OPA3: variants seen among roughly 807,000 people sequenced by gnomAD.
OPA3 encodes the protein optic atrophy 3 protein.
OPA3 carries 6 observed loss-of-function variants against 4.0 expected under a neutral mutation model. The ratio of observed to expected loss-of-function variants is 1.51; its 90% confidence interval spans 0.83 to 2.99. The LOEUF is 2.99. OPA3 is among the 30% of genes most tolerant of loss of function. The pLI is 0.00. For synonymous variants in OPA3, 105 were observed against 117.1 expected (o/e 0.90, Z 0.67); for missense variants, 235 against 256.2 (o/e 0.92, Z 0.56).
At chr19:45,554,693 G>A (rs1304094708) in intron 1 of OPA3, among the ~76,000 whole-genome samples, 1 of 152,206 alleles carries the variant, frequency 6.6e-6, no homozygotes, top group African/African-American at 2.4e-5. Context: ...AAACCACAGA[G>A]GGAACCCTTG....
chr19:45,566,716 C>T (rs535129467), intron 1 of OPA3, among the ~76,000 whole-genome samples: 5 of 152,056 alleles, frequency 3.3e-5, no homozygotes, highest in South Asian at 2.1e-4. Flanking sequence ...CCTTGTGATC[C>T]GCCCGCCTTA....
At chr19:45,545,184 A>AAAC (rs1969234668), downstream of OPA3, among the ~76,000 whole-genome samples, 1 of 149,588 alleles carries the variant, frequency 6.7e-6, no homozygotes, top group African/African-American at 2.4e-5. Flanking sequence ...AAAAACAAAA[A>AAAC]AACAAAAAAT....
In OPA3 at chr19:45,548,932, T is replaced by C. The variant is rs1028541020; in HGVS notation, c.*4582A>G. On this transcript the variant is annotated 3_prime_UTR_variant, in exon 2 of 2. Coordinates refer to ENST00000263275, the MANE Select transcript of OPA3 (RefSeq NM_025136.4). ...GATTCTCCTGCCTCAGCCTCCCGAG[T>C]AGGTGGGATTACAGGTGCACAACCA... 23 of 308,122 alleles carry C rather than the reference T, an allele frequency of 7.5e-5. No individual in the cohort carries two copies. The highest frequency in any genetic ancestry group is 4.8e-4 in the African/African-American group (21 of 43,998). The allele number at this position is 308,122 out of a possible 1,614,324, so 19.1% of individuals were successfully genotyped here. A position where few individuals can be genotyped will look rare whatever the true frequency, so the allele number is the denominator to read the frequency against.
chr19:45,583,024 G>T (rs1297682059), intron 1 of OPA3, among the ~76,000 whole-genome samples: 6 of 152,214 alleles, frequency 3.9e-5, no homozygotes, highest in Non-Finnish European at 5.9e-5. Flanking sequence ...AAGCAAGATG[G>T]AGTAAGTTAA....
rs200159837 is a variant in OPA3 at position 45,584,790 on chromosome 19, A to G, written c.-26T>C. ...CTTGGCGGTCTCACAGGGCACGCGC[A>G]ACCTTGCTGACTGGGCGGGGCGCCT... On this transcript the variant is annotated 5_prime_UTR_variant, in exon 1 of 2. Transcript: ENST00000263275. 8.4e-5 allele frequency: 135 copies of G among 1,612,506 alleles called. No homozygotes were observed. In the East Asian group the frequency reaches 2.5e-3, roughly 29 times the overall value.
intron 1 of OPA3, among the ~76,000 whole-genome samples, chr19:45,557,355 G>A (rs1231355442): frequency 1.3e-5 from 2 of 152,136 alleles, no homozygotes; most frequent in Non-Finnish European, 1.5e-5. Flanking sequence ...GGTCAGATGT[G>A]GGGTTCAGGA....
intron 1 of OPA3, among the ~76,000 whole-genome samples, chr19:45,532,547 G>A (rs571666087): frequency 5.3e-5 from 8 of 151,904 alleles, no homozygotes; most frequent in Non-Finnish European, 2.9e-5. Context: ...AGTCTGGAAC[G>A]CCACCCTGCA....
At chr19:45,529,711 G>C (rs1281326237) in intron 1 of OPA3, among the ~76,000 whole-genome samples, 2 of 152,158 alleles carry the variant, frequency 1.3e-5, no homozygotes, top group Non-Finnish European at 2.9e-5. Context: ...CACAGAAGAT[G>C]CTGATGCTCT....
chr19:45,555,041 T>C (rs1969400019), intron 1 of OPA3, among the ~76,000 whole-genome samples: 1 of 152,182 alleles, frequency 6.6e-6, no homozygotes, highest in Non-Finnish European at 1.5e-5. Context: ...CCACCTGCGT[T>C]GGCCTCTCAA....
At chr19:45,529,480 G>A in intron 1 of OPA3, 1 of 1,576,516 alleles carries the variant, frequency 6.3e-7, no homozygotes, top group Admixed American at 1.7e-5. Flanking sequence ...CAGGAGTCAG[G>A]GGTCTTTTGC....
chr19:45,572,343 T>C (rs1005108312), intron 1 of OPA3, among the ~76,000 whole-genome samples: 2 of 137,192 alleles, frequency 1.5e-5, no homozygotes, highest in Non-Finnish European at 1.6e-5. Flanking sequence ...ATATATCTCA[T>C]ATATATCGAC....
At chr19:45,554,321 GA>G (rs1348171647) in intron 1 of OPA3, among the ~76,000 whole-genome samples, 1 of 152,242 alleles carries the variant, frequency 6.6e-6, no homozygotes, top group African/African-American at 2.4e-5. Flanking sequence ...AGATGGGGGA[GA>G]GGGGGGCTCC....
At chr19:45,570,862 CAAAAA>C (rs551869767) in intron 1 of OPA3, among the ~76,000 whole-genome samples, 1 of 67,762 alleles carries the variant, frequency 1.5e-5, no homozygotes, top group Admixed American at 1.9e-4. Context: ...GACTCTGTCT[CAAAAA>C]AAAAAAAAAA....
intron 1 of OPA3, among the ~76,000 whole-genome samples, chr19:45,555,155 A>G (rs959086767): frequency 5.3e-5 from 8 of 152,178 alleles, no homozygotes; most frequent in African/African-American, 1.9e-4. Context: ...CCAGAAGAAA[A>G]TAACTTAGCA....
intron 1 of OPA3, among the ~76,000 whole-genome samples, chr19:45,572,619 G>A (rs1298489266): frequency 8.0e-6 from 1 of 124,396 alleles, no homozygotes; most frequent in Non-Finnish European, 1.7e-5. Flanking sequence ...TATATATCAT[G>A]ATATATGTAT....
intron 1 of OPA3, among the ~76,000 whole-genome samples, chr19:45,566,075 A>T (rs1047934605): frequency 2.0e-5 from 3 of 152,256 alleles, no homozygotes; most frequent in African/African-American, 7.2e-5. Flanking sequence ...CCAGCAATAT[A>T]TAAAAAAGAT....
chr19:45,538,337 CT>C (rs533568388), intron 1 of OPA3, among the ~76,000 whole-genome samples: 3 of 152,154 alleles, frequency 2.0e-5, no homozygotes, highest in African/African-American at 7.2e-5. Context: ...GGGAGGATTG[CT>C]TGAGCCTGGA....
At chr19:45,574,204 T>G (rs531214411) in intron 1 of OPA3, among the ~76,000 whole-genome samples, 1 of 146,706 alleles carries the variant, frequency 6.8e-6, no homozygotes, top group South Asian at 2.2e-4. Flanking sequence ...CCATCCTGGC[T>G]AACATGGTGA....
chr19:45,584,497 T>A, intron 1 of OPA3, 126 bp downstream of exon 1: 4 of 1,434,614 alleles, frequency 2.8e-6, no homozygotes, highest in Non-Finnish European at 1.9e-6. Context: ...AACCCCCCAC[T>A]ATTGGCCACT....
Sources: allele counts gnomAD v4.1 joint callset (sites outside exome capture counted in the v4.1 genomes callset), GRCh38; gene constraint gnomAD v4.1.1; transcripts MANE v1.5; gene names NCBI Gene and HGNC (gene_info 2026-07-23, HGNC 2026-07-21).